Variants in VTCN1 observed in about 807,000 individuals in gnomAD.
VTCN1 encodes V-set domain-containing T-cell activation inhibitor 1.
Under a neutral mutation model 26.5 loss-of-function variants are expected in VTCN1, and 26 were observed. That is an observed-to-expected ratio of 0.98 (90% CI 0.72 to 1.36). VTCN1 has a LOEUF of 1.36. Ranked by LOEUF, VTCN1 falls within the 40% of genes most tolerant of loss-of-function variation. The probability of loss-of-function intolerance (pLI) is 0.00; values close to 1 mark genes in which losing one functional copy is unlikely to be tolerated. For synonymous variants in VTCN1, 116 were observed against 130.7 expected (o/e 0.89, Z 0.77); for missense variants, 298 against 337.7 (o/e 0.88, Z 0.92).
chr1:117,203,814 C>T (rs1648910410), intron 1 of VTCN1: 1 of 983,744 alleles, frequency 1.0e-6, no homozygotes, highest in South Asian at 4.7e-5. Context: ...ACCTGGAGGT[C>T]TTGTTACGCC....
At chr1:117,186,874 G>C (rs1388714088) in intron 1 of VTCN1, among the ~76,000 whole-genome samples, 2 of 150,814 alleles carry the variant, frequency 1.3e-5, no homozygotes, top group African/African-American at 4.9e-5. Context: ...AAATTAAACA[G>C]TGTTATTCAG....
At chr1:117,202,401 G>C (rs1448196839) in intron 1 of VTCN1, among the ~76,000 whole-genome samples, 1 of 152,094 alleles carries the variant, frequency 6.6e-6, no homozygotes, top group Non-Finnish European at 1.5e-5. Flanking sequence ...GTAGTGTCAT[G>C]GAAACCAAGA....
At chr1:117,204,900 A>G (rs570682278) in intron 1 of VTCN1, among the ~76,000 whole-genome samples, 25 of 151,898 alleles carry the variant, frequency 1.6e-4, no homozygotes, top group Non-Finnish European at 2.6e-4. Flanking sequence ...CTGTTCTACC[A>G]TTTTTAATGT....
chr1:117,151,276 T>C (rs937191723), intron 4 of VTCN1, among the ~76,000 whole-genome samples: 5 of 151,580 alleles, frequency 3.3e-5, no homozygotes, highest in African/African-American at 1.2e-4. Flanking sequence ...GATGTTCAGA[T>C]ATGGTGCATC....
chr1:117,154,572 T>C (rs1275956153), intron 3 of VTCN1, among the ~76,000 whole-genome samples: 1 of 151,578 alleles, frequency 6.6e-6, no homozygotes, highest in East Asian at 1.9e-4. Flanking sequence ...TCACCTGAGG[T>C]CGGGAGCTTG....
rs542865791 is a variant in VTCN1, at chr1:117,145,898, T to C, written c.*46-673A>G. 1.5e-4 allele frequency among the ~76,000 whole-genome samples: 23 copies of C among 152,306 alleles called. No individual in the cohort carries two copies. Among genetic ancestry groups the C allele is most frequent in the African/African-American group, 5.5e-4 (23 of 41,576 alleles). On this transcript the variant is annotated intron_variant, in intron 5 of 5. Coordinates refer to ENST00000369458, the MANE Select transcript of VTCN1 (RefSeq NM_024626.4). This position sits in a 1 kb window ranked among gnomAD's most constrained non-coding sequence, Gnocchi z 4.6. Reference sequence around the variant, plus strand: ...GTCCTCCCATCTTGGCCTCTCAAAGTGCTGGGGTTACAGGTGTGAGCCACC... The same window carrying C: ...GTCCTCCCATCTTGGCCTCTCAAAGCGCTGGGGTTACAGGTGTGAGCCACC...
intron 1 of VTCN1, among the ~76,000 whole-genome samples, chr1:117,182,793 C>T (rs1243937967): frequency 6.6e-6 from 1 of 152,144 alleles, no homozygotes; most frequent in Admixed American, 6.5e-5. Context: ...TTCCAGGGCA[C>T]CAGTCTTAGT....
rs1652386541 is a variant in VTCN1, at chr1:117,161,910, C to G, written c.98-4989G>C. Among the ~76,000 whole-genome samples, 1 of 152,122 alleles carries G rather than the reference C, an allele frequency of 6.6e-6. No homozygotes were observed. The highest frequency in any genetic ancestry group is 1.5e-5 in the Non-Finnish European group (1 of 68,022). ...TCTCAGAAAAAATACATGATTAGCA[C>G]AGTTTATGGAGAGAATGAAATGGTA... On this transcript the variant is annotated intron_variant, in intron 2 of 5. Coordinates refer to ENST00000369458, the MANE Select transcript of VTCN1 (RefSeq NM_024626.4). This position sits in a 1 kb window ranked among gnomAD's most constrained non-coding sequence, Gnocchi z 4.3.
At position 117,159,178 on chromosome 1, in the gene VTCN1, GC is replaced by G. The variant is rs1305354816; in HGVS notation, c.98-2258del. Among the ~76,000 whole-genome samples, 17 of 152,272 alleles carry G rather than the reference GC, an allele frequency of 1.1e-4. No individual in the cohort carries two copies. Among genetic ancestry groups the G allele is most frequent in the African/African-American group, 3.9e-4 (16 of 41,552 alleles). On this transcript the variant is annotated intron_variant, in intron 2 of 5. Coordinates refer to ENST00000369458, the MANE Select transcript of VTCN1 (RefSeq NM_024626.4). The surrounding 1 kb of genome is among the most constrained non-coding windows in gnomAD (Gnocchi z 4.7). ...CATTTTTGGGTATCTTTTCAGCAGTGCCCCACTCTACTGGTACCAATTTACT... is the reference window on the plus strand; with the variant it reads ...CATTTTTGGGTATCTTTTCAGCAGTGCCCACTCTACTGGTACCAATTTACT...
intron 1 of VTCN1, among the ~76,000 whole-genome samples, chr1:117,207,513 C>T (rs1417286340): frequency 6.6e-6 from 1 of 151,966 alleles, no homozygotes; most frequent in Non-Finnish European, 1.5e-5. Flanking sequence ...CCCTTGCTTC[C>T]CTCCCTCCAC....
At chr1:117,171,081 C>A (rs4659158) in intron 1 of VTCN1, among the ~76,000 whole-genome samples, 2 of 151,204 alleles carry the variant, frequency 1.3e-5, no homozygotes, top group African/African-American at 4.9e-5. Flanking sequence ...TCAACTCCCA[C>A]TTATGAGTGA....
In VTCN1 at chr1:117,145,224, C is replaced by A. The variant is rs1419745785; in HGVS notation, c.*47G>T. The A allele has an allele frequency of 6.6e-6, 1 of 152,158 alleles. No homozygotes were observed. The highest frequency in any genetic ancestry group is 2.4e-5 in the African/African-American group (1 of 41,424). The allele number at this position is 152,158 out of a possible 1,614,324, so 9.4% of individuals were successfully genotyped here. ...CTGGTGGTGAAATAGTTCTGTAGAT[C>A]CCTGGGATTGTGGAAATAACAGCAA... On this transcript the variant is annotated splice_region_variant and 3_prime_UTR_variant, in exon 6 of 6. Transcript: ENST00000369458. The surrounding 1 kb of genome is among the most constrained non-coding windows in gnomAD (Gnocchi z 4.6).
chr1:117,191,870 T>C (rs570724166), intron 1 of VTCN1, among the ~76,000 whole-genome samples: 5 of 152,116 alleles, frequency 3.3e-5, no homozygotes, highest in African/African-American at 1.2e-4. Context: ...GGTGGAAGGA[T>C]CTCTTGAACC....
At chr1:117,194,732 C>A (rs1203416449) in intron 1 of VTCN1, among the ~76,000 whole-genome samples, 5 of 152,162 alleles carry the variant, frequency 3.3e-5, no homozygotes, top group African/African-American at 1.2e-4. Flanking sequence ...ACAGATGGAA[C>A]CTGGAGGTCA....
At position 117,175,777 on chromosome 1, in the gene VTCN1, T is replaced by A. The variant is rs1218717756; in HGVS notation, c.33-5606A>T. Among the ~76,000 whole-genome samples, 2 of 151,056 alleles carry A rather than the reference T, an allele frequency of 1.3e-5. No homozygotes were observed. Among genetic ancestry groups the A allele is most frequent in the Admixed American group, 6.6e-5 (1 of 15,184 alleles). ...CCTATCTCTCTCTCTCTCTCTCTTT[T>A]TTTTTTTTTTTGAGATGGAGTTTCA... On this transcript the variant is annotated intron_variant, in intron 1 of 5. Coordinates refer to ENST00000369458, the MANE Select transcript of VTCN1 (RefSeq NM_024626.4). This position sits in a 1 kb window ranked among gnomAD's most constrained non-coding sequence, Gnocchi z 4.2.
chr1:117,171,953 T>G (rs1397490971), intron 1 of VTCN1, among the ~76,000 whole-genome samples: 1 of 152,168 alleles, frequency 6.6e-6, no homozygotes, highest in African/African-American at 2.4e-5. Flanking sequence ...AGGGGTCACC[T>G]GCTTTAGCTC....
At chr1:117,166,200 G>A (rs573038912) in intron 2 of VTCN1, among the ~76,000 whole-genome samples, 3 of 152,122 alleles carry the variant, frequency 2.0e-5, no homozygotes, top group Non-Finnish European at 2.9e-5. Flanking sequence ...GGTGGCTGTC[G>A]CTATGCAACA....
chr1:117,153,303 G>A lies in VTCN1; in HGVS notation c.512C>T (p.Pro171Leu), dbSNP rs2101452379. ...ASSETLRCEA[P>L]RWFPQPTVVW... ...CACTGTGGGCTGGGGGAACCATCGG[G>A]GAGCCTCACACCGCAAGGTCTCTGA... Residue 171 changes from proline (P) to leucine (L), a missense_variant, in exon 4 of 6, where the codon CCC becomes CTC. Transcript: ENST00000369458. 6.2e-7 allele frequency: 1 copy of A among 1,614,014 alleles called. No homozygotes were observed.
chr1:117,196,471 G>A (rs945430128), intron 1 of VTCN1, among the ~76,000 whole-genome samples: 3 of 151,594 alleles, frequency 2.0e-5, no homozygotes, highest in African/African-American at 7.3e-5. Context: ...TTATCTCTAG[G>A]TTAGGACCGA....
Sources: allele counts gnomAD v4.1 joint callset (sites outside exome capture counted in the v4.1 genomes callset), GRCh38; gene constraint gnomAD v4.1.1; non-coding constraint Gnocchi (gnomAD v3.1); transcripts MANE v1.5; gene names NCBI Gene and HGNC (gene_info 2026-07-23, HGNC 2026-07-21).